The following MGST3 variants were observed in gnomAD, a reference collection of about 807,000 sequenced individuals.
The protein encoded by MGST3 is glutathione S-transferase 3, mitochondrial.
Under a neutral mutation model 15.8 loss-of-function variants are expected in MGST3, and 13 were observed. The ratio of observed to expected loss-of-function variants is 0.82; its 90% confidence interval spans 0.54 to 1.31. MGST3 has a LOEUF of 1.31. MGST3 is among the 50% of genes most tolerant of loss of function. The pLI, the probability that MGST3 is intolerant of heterozygous loss-of-function variation, is 0.00. For missense variants in MGST3, 155 were observed against 192.4 expected (o/e 0.81, Z 1.15); for synonymous variants, 49 against 68.1 (o/e 0.72, Z 1.38).
chr1:165,644,677 CTT>C, intron 1 of MGST3, among the ~76,000 whole-genome samples: 1 of 152,288 alleles, frequency 6.6e-6, no homozygotes, highest in East Asian at 1.9e-4. Flanking sequence ...AATTTTTAAA[CTT>C]TTGAATCTTT....
intron 1 of MGST3, among the ~76,000 whole-genome samples, chr1:165,641,886 C>G (rs1355635854): frequency 6.6e-6 from 1 of 152,128 alleles, no homozygotes; most frequent in East Asian, 1.9e-4. Context: ...CAAAAACTTT[C>G]TAATTTAAAA....
chr1:165,640,778 C>T (rs1265776842), intron 1 of MGST3, among the ~76,000 whole-genome samples: 1 of 152,192 alleles, frequency 6.6e-6, no homozygotes, highest in Non-Finnish European at 1.5e-5. Flanking sequence ...TCAAAGAGCA[C>T]ATAGTCCATC....
rs115652000 is a variant in MGST3, at chr1:165,655,285, C to T, written c.323-83C>T. The T allele has an allele frequency of 7.3e-4, 1,137 of 1,559,202 alleles. 1 individual carries two copies. Among genetic ancestry groups the T allele is most frequent in the Non-Finnish European group, 9.3e-4 (1,062 of 1,136,920 alleles). Reference sequence around the variant, plus strand: ...TTTGTCTAATGTACAACCTCAGATGCGATGATAGAATGGCTTGCGAATGTT... The same window carrying T: ...TTTGTCTAATGTACAACCTCAGATGTGATGATAGAATGGCTTGCGAATGTT... On this transcript the variant is annotated intron_variant, in intron 5 of 5. Coordinates refer to ENST00000367889, the MANE Select transcript of MGST3 (RefSeq NM_004528.4).
chr1:165,638,718 G>C (rs1648180831), intron 1 of MGST3, among the ~76,000 whole-genome samples: 1 of 151,880 alleles, frequency 6.6e-6, no homozygotes, highest in African/African-American at 2.4e-5. Flanking sequence ...AGGAGGTGGA[G>C]GTTGCAGTGA....
chr1:165,651,391 G>C (rs1015611603), intron 3 of MGST3: 32 of 442,360 alleles, frequency 7.2e-5, no homozygotes, highest in African/African-American at 5.2e-4. Context: ...GGCCTAGGGA[G>C]TGAAGAGGTT....
chr1:165,631,721 G>T (rs1416253572), intron 1 of MGST3, among the ~76,000 whole-genome samples: 1 of 152,180 alleles, frequency 6.6e-6, no homozygotes, highest in African/African-American at 2.4e-5. Flanking sequence ...TGGTTGTGCA[G>T]GCCTGATCAG....
chr1:165,646,256 T>G (rs1404822977), intron 1 of MGST3: 2 of 152,218 alleles, frequency 1.3e-5, no homozygotes, highest in African/African-American at 4.8e-5. Flanking sequence ...TGCATCCCCT[T>G]CCTGGTGCAC....
Position 165,651,997 on chromosome 1 carries a change from T to G in MGST3, c.211T>G (p.Phe71Val). ...TTCCAGGTTGGAAGTGTATCCTCCC[T>G]TCTTATTTTTTCTAGCTGTTGGAGG... ...HQNTLEVYPPFLFFLAVGGVY... is the reference protein window; with the variant it reads ...HQNTLEVYPPVLFFLAVGGVY... Residue 71 changes from phenylalanine (F) to valine (V), a missense_variant, in exon 4 of 6, where the codon TTC (phenylalanine) becomes GTC (valine). Phe to Val is a conservative substitution (Grantham distance 50). Coordinates refer to ENST00000367889, the MANE Select transcript of MGST3 (RefSeq NM_004528.4). 1 of 1,613,796 alleles carries G rather than the reference T, an allele frequency of 6.2e-7. No homozygotes were observed. Among genetic ancestry groups the G allele is most frequent in the Non-Finnish European group, 8.5e-7 (1 of 1,179,748 alleles).
intron 1 of MGST3, among the ~76,000 whole-genome samples, chr1:165,642,269 G>A (rs955156012): frequency 6.6e-6 from 1 of 152,204 alleles, no homozygotes; most frequent in Admixed American, 6.5e-5. Context: ...CAGTAAGCCT[G>A]AATAAGTAAA....
intron 5 of MGST3, among the ~76,000 whole-genome samples, chr1:165,654,746 G>A (rs1056268392): frequency 6.6e-6 from 1 of 152,088 alleles, no homozygotes; most frequent in East Asian, 1.9e-4. Context: ...TTTGAGAAAA[G>A]GGGAAGTCAC....
chr1:165,635,232 C>T (rs1648075176), intron 1 of MGST3, among the ~76,000 whole-genome samples: 1 of 152,140 alleles, frequency 6.6e-6, no homozygotes, highest in Middle Eastern at 3.2e-3. Context: ...GTATCTCCCA[C>T]AGAACCTTCT....
chr1:165,654,501 G>A (rs1648653621), intron 5 of MGST3, 150 bp downstream of exon 5: 1 of 740,136 alleles, frequency 1.4e-6, no homozygotes, highest in South Asian at 1.4e-5. Flanking sequence ...TACCAGCCTG[G>A]GCAACATGGT....
chr1:165,631,984 T>G, intron 1 of MGST3: 1 of 432,038 alleles, frequency 2.3e-6, no homozygotes. Context: ...TTATGTGGGG[T>G]GGCAGCACGG....
At chr1:165,649,665 A>G in intron 1 of MGST3, 176 bp from the exon 2 acceptor site, 3 of 685,552 alleles carry the variant, frequency 4.4e-6, no homozygotes, top group Admixed American at 2.7e-5. Flanking sequence ...TAATTTTTAA[A>G]TTATTTTATA....
chr1:165,639,610 C>T (rs1432161753), intron 1 of MGST3, among the ~76,000 whole-genome samples: 2 of 152,116 alleles, frequency 1.3e-5, no homozygotes, highest in African/African-American at 2.4e-5. Flanking sequence ...CGAGACCAGC[C>T]TGGCCAACAT....
At position 165,655,831 on chromosome 1, in the gene MGST3, A is replaced by G; in HGVS notation, c.*327A>G. 1 of 335,588 alleles carries G rather than the reference A, an allele frequency of 3.0e-6. No homozygotes were observed. Among genetic ancestry groups the G allele is most frequent in the Admixed American group, 4.4e-5 (1 of 22,472 alleles). The allele number at this position is 335,588 out of a possible 1,614,324, so 20.8% of individuals were successfully genotyped here. On this transcript the variant is annotated 3_prime_UTR_variant, in exon 6 of 6. Transcript: ENST00000367889. ...ATGAAAAATTAAAGAAAAATCTTCT[A>G]GCTCTCAGGATATGCATTATCACTT...
rs1372944288 is a variant in MGST3, at chr1:165,655,747, G to GTA, written c.*245_*246dup. 1 of 522,978 alleles carries GTA rather than the reference G, an allele frequency of 1.9e-6. No homozygotes were observed. Among genetic ancestry groups the GTA allele is most frequent in the African/African-American group, 1.9e-5 (1 of 51,922 alleles). The allele number at this position is 522,978 out of a possible 1,614,324, so 32.4% of individuals were successfully genotyped here. ...CACCCTTCCAGCAGATGCTTCTGTA[G>GTA]TATGTGAGGTTGAGAAAAAGTCTGA... On this transcript the variant is annotated 3_prime_UTR_variant, in exon 6 of 6. Coordinates refer to ENST00000367889, the MANE Select transcript of MGST3 (RefSeq NM_004528.4).
rs746022928 is a variant in MGST3 at position 165,654,310 on chromosome 1, T to C, written c.281T>C (p.Ile94Thr). ...RIASGLGLAW[I>T]VGRVLYAYGY... ...GCTTCTGGCCTGGGCTTGGCCTGGA[T>C]TGTTGGACGAGTTCTTTATGCTTAT... The change falls in exon 5 of 6, where the codon ATT becomes ACT. Residue 94 changes from isoleucine to threonine, a missense_variant. Coordinates refer to ENST00000367889, the MANE Select transcript of MGST3 (RefSeq NM_004528.4). The C allele has an allele frequency of 6.2e-7, 1 of 1,614,120 alleles. No individual in the cohort carries two copies. The highest frequency in any genetic ancestry group is 8.5e-7 in the Non-Finnish European group (1 of 1,179,992).
rs145605377 is a variant in MGST3, at chr1:165,652,028, A to C, written c.242A>C (p.Tyr81Ser). 90 of 1,612,580 alleles carry C rather than the reference A, an allele frequency of 5.6e-5. No homozygotes were observed. The African/African-American group carries it at 1.2e-3, about 21-fold the overall frequency. ...TTTTTTCTAGCTGTTGGAGGTGTTT[A>C]CCACCCGGTAAGTTTTCCAGGAGGT... ...FLFFLAVGGV[Y>S]HPRIASGLGL... The change falls in exon 4 of 6, where the codon TAC becomes TCC. Residue 81 changes from tyrosine (Y) to serine (S), a missense_variant. Coordinates refer to ENST00000367889, the MANE Select transcript of MGST3 (RefSeq NM_004528.4).
Sources: allele counts gnomAD v4.1 joint callset (sites outside exome capture counted in the v4.1 genomes callset), GRCh38; gene constraint gnomAD v4.1.1; transcripts MANE v1.5; gene names NCBI Gene and HGNC (gene_info 2026-07-23, HGNC 2026-07-21).